The following CNTNAP3 variants were observed in gnomAD, a reference collection of about 807,000 sequenced individuals.
The protein encoded by CNTNAP3 is contactin associated protein family member 3, also known as contactin-associated protein-like 3.
A neutral mutation model predicts 92.1 loss-of-function variants in CNTNAP3; 36 were observed. The observed-to-expected ratio is 0.39, with a 90% confidence interval of 0.30 to 0.52. The LOEUF (loss-of-function observed/expected upper bound fraction) is 0.52. Ranked by LOEUF, CNTNAP3 falls within the 20% of genes least tolerant of loss-of-function variation. The pLI is 0.76. For missense variants in CNTNAP3, 534 were observed against 1,069.6 expected, an observed-to-expected ratio of 0.50 and a Z score of 6.98; for synonymous variants, 232 against 422.3, an observed-to-expected ratio of 0.55 and a Z score of 5.53.
chr9:39,121,607 G>A (rs1429060607), intron 13 of CNTNAP3, among the ~76,000 whole-genome samples: 4 of 152,162 alleles, frequency 2.6e-5, no homozygotes, highest in Admixed American at 6.5e-5. Flanking sequence ...TCTGGTAAAA[G>A]CACTTAGAAT....
rs1825516136 is a variant in CNTNAP3 at position 39,066,679 on chromosome 9, A to C, written c.*7211T>G. Among the ~76,000 whole-genome samples the C allele has an allele frequency of 6.6e-6, 1 of 152,308 alleles. No homozygotes were observed. The highest frequency in any genetic ancestry group is 2.4e-5 in the African/African-American group (1 of 41,488). ...TTTTGGTTGGAAGATGTTTCACTGG[A>C]AGCATGAAAGATGTTGCTCCACTGC... On this transcript the variant is annotated 3_prime_UTR_variant, in exon 24 of 24. Transcript: ENST00000297668.
rs868785029 is a variant in CNTNAP3, at chr9:39,121,057, G to A, written c.2081-2798C>T. On this transcript the variant is annotated intron_variant, in intron 13 of 23. Coordinates refer to ENST00000297668, the MANE Select transcript of CNTNAP3 (RefSeq NM_033655.5). ...TATGTAAACTATAATACCAAGCAACGAGTAAGAAAATTATAAAAATTACCT... is the reference window on the plus strand; with the variant it reads ...TATGTAAACTATAATACCAAGCAACAAGTAAGAAAATTATAAAAATTACCT... Among the ~76,000 whole-genome samples, 7 of 151,906 alleles carry A rather than the reference G, an allele frequency of 4.6e-5. No individual in the cohort carries two copies. The South Asian group carries it at 8.3e-4, about 18-fold the overall frequency.
intron 12 of CNTNAP3, among the ~76,000 whole-genome samples, chr9:39,135,832 T>C (rs956836226): frequency 6.6e-6 from 1 of 151,728 alleles, no homozygotes; most frequent in African/African-American, 2.4e-5. Context: ...AAAAAGAAAA[T>C]AATAATAATG....
intron 18 of CNTNAP3, among the ~76,000 whole-genome samples, chr9:39,089,393 G>A (rs11787943): frequency 0.34 from 38,184 of 113,510 alleles, 4,834 homozygotes; most frequent in East Asian, 0.55. Context: ...TATTTTATGC[G>A]TTTTATTGAC....
At chr9:39,152,384 G>A (rs1041140765) in intron 9 of CNTNAP3, among the ~76,000 whole-genome samples, 1 of 130,398 alleles carries the variant, frequency 7.7e-6, no homozygotes, top group African/African-American at 3.0e-5. Context: ...CACCATATTT[G>A]TTTAAAAGTT....
chr9:39,107,685 A>G (rs543221415), intron 15 of CNTNAP3, among the ~76,000 whole-genome samples: 1 of 152,298 alleles, frequency 6.6e-6, no homozygotes, highest in East Asian at 1.9e-4. Flanking sequence ...GAATAATCAT[A>G]TTGAATGCAT....
chr9:39,146,351 C>T (rs1181190557), intron 10 of CNTNAP3, among the ~76,000 whole-genome samples: 1 of 152,058 alleles, frequency 6.6e-6, no homozygotes. Flanking sequence ...CAGGGCAAAC[C>T]TTAAAAGAGT....
At chr9:39,099,811 A>C in intron 18 of CNTNAP3, 100 bp downstream of exon 18, 1 of 1,458,316 alleles carries the variant, frequency 6.9e-7, no homozygotes, top group Non-Finnish European at 9.2e-7. Flanking sequence ...CAAATAATTC[A>C]ATCTTATCCT....
chr9:39,132,395 T>C (rs1821314708), intron 13 of CNTNAP3, among the ~76,000 whole-genome samples: 1 of 152,042 alleles, frequency 6.6e-6, no homozygotes, highest in Admixed American at 6.6e-5. Context: ...TCTCAAGATA[T>C]AATTTCAAAA....
At chr9:39,109,404 C>T (rs1004853941) in intron 14 of CNTNAP3, 117 bp from the exon 15 acceptor site, 2 of 1,471,536 alleles carry the variant, frequency 1.4e-6, no homozygotes, top group Non-Finnish European at 1.8e-6. Context: ...GAATACTTAA[C>T]ATTTTCAATA....
At chr9:39,121,834 T>C (rs1477505524) in intron 13 of CNTNAP3, among the ~76,000 whole-genome samples, 1 of 152,070 alleles carries the variant, frequency 6.6e-6, no homozygotes, top group Admixed American at 6.6e-5. Flanking sequence ...AGAAAACATT[T>C]TTGAAATAAG....
chr9:39,082,201 A>C (rs141176802), intron 21 of CNTNAP3, among the ~76,000 whole-genome samples: 31,842 of 138,600 alleles, frequency 0.23, 2,945 homozygotes, highest in East Asian at 0.36. Context: ...ATCTCAAGTG[A>C]GTCTGGGGAC....
At chr9:39,123,094 T>TA (rs1821072751) in intron 13 of CNTNAP3, among the ~76,000 whole-genome samples, 1 of 146,364 alleles carries the variant, frequency 6.8e-6, no homozygotes, top group South Asian at 2.2e-4. Context: ...GACAATAATT[T>TA]TTTTTTTTTT....
intron 18 of CNTNAP3, among the ~76,000 whole-genome samples, chr9:39,091,813 A>G (rs1826210600): frequency 6.6e-6 from 1 of 151,818 alleles, no homozygotes; most frequent in African/African-American, 2.4e-5. Flanking sequence ...TAAATAGTTG[A>G]TATATTCTGA....
At chr9:39,139,565 C>T (rs995744262) in intron 12 of CNTNAP3, among the ~76,000 whole-genome samples, 1 of 152,054 alleles carries the variant, frequency 6.6e-6, no homozygotes, top group Non-Finnish European at 1.5e-5. Flanking sequence ...TGGTTATTGT[C>T]CAAATTTATG....
At chr9:39,103,627 T>C in intron 16 of CNTNAP3, 117 bp downstream of exon 16, 3 of 1,228,038 alleles carry the variant, frequency 2.4e-6, no homozygotes, top group Non-Finnish European at 1.1e-6. Flanking sequence ...AGAAGTTTAG[T>C]ATTTTATAAT....
At chr9:39,136,257 G>T (rs1031971827) in intron 12 of CNTNAP3, among the ~76,000 whole-genome samples, 4 of 152,012 alleles carry the variant, frequency 2.6e-5, no homozygotes, top group African/African-American at 9.7e-5. Context: ...TGTAAACGGG[G>T]ATTGTCTGCA....
intron 9 of CNTNAP3, chr9:39,159,017 AAAC>A (rs2118181629): frequency 7.5e-6 from 1 of 133,712 alleles, no homozygotes; most frequent in East Asian, 2.1e-4. Flanking sequence ...ATTTGAGGGA[AAAC>A]AATTCAATCC....
In CNTNAP3 at chr9:39,066,608, A is replaced by G. The variant is rs1446656443; in HGVS notation, c.*7282T>C. On this transcript the variant is annotated 3_prime_UTR_variant, in exon 24 of 24. Transcript: ENST00000297668. ...TATCTTTGTTTCATCCTTTCTTGAA[A>G]GACGGTTTTGCTGGGTATAGAAACC... is the stretch of plus-strand genomic sequence containing the variant. Among the ~76,000 whole-genome samples the G allele has an allele frequency of 6.6e-6, 1 of 152,280 alleles. No individual in the cohort carries two copies. Among genetic ancestry groups the G allele is most frequent in the Non-Finnish European group, 1.5e-5 (1 of 68,048 alleles).
Sources: gnomAD v4.1 joint callset for allele counts (sites outside exome capture counted in the v4.1 genomes callset) on GRCh38, gnomAD v4.1.1 for gene constraint, MANE v1.5 for transcripts, NCBI Gene and HGNC (gene_info 2026-07-23, HGNC 2026-07-21) for gene names.